Variants in CDS2 observed in about 807,000 individuals in gnomAD.
CDS2 encodes CDP-diacylglycerol synthase 2.
CDS2 carries 47 observed loss-of-function variants against 59.0 expected under a neutral mutation model. That is an observed-to-expected ratio of 0.80 (90% CI 0.63 to 1.02). The LOEUF is 1.02. Among genes scored for constraint, CDS2 ranks in the 50% least tolerant of loss-of-function variants. The pLI, the probability that CDS2 is intolerant of heterozygous loss-of-function variation, is 0.00. For missense variants in CDS2, 356 were observed against 558.9 expected, an observed-to-expected ratio of 0.64 and a Z score of 3.66; for synonymous variants, 207 against 206.4, an observed-to-expected ratio of 1.00 and a Z score of -0.02.
At chr20:5,170,828 GAAGAA>G (rs896677356) in intron 1 of CDS2, among the ~76,000 whole-genome samples, 106 of 152,240 alleles carry the variant, frequency 7.0e-4, no homozygotes, top group African/African-American at 2.4e-3. Context: ...GGCTAATAAA[GAAGAA>G]AAGAGAGAAG....
intron 1 of CDS2, among the ~76,000 whole-genome samples, chr20:5,140,087 C>T (rs1347553247): frequency 6.6e-6 from 1 of 152,210 alleles, no homozygotes; most frequent in African/African-American, 2.4e-5. Flanking sequence ...CAGGCGTGAA[C>T]CGCTGCACCC....
chr20:5,173,295 G>A (rs990376348), intron 1 of CDS2, among the ~76,000 whole-genome samples: 2 of 152,174 alleles, frequency 1.3e-5, no homozygotes, highest in African/African-American at 2.4e-5. Context: ...GATGGTACGC[G>A]GTGCAGATGC....
At chr20:5,189,666 G>A in intron 11 of CDS2, 69 bp from the exon 12 acceptor site, 1 of 1,108,484 alleles carries the variant, frequency 9.0e-7, no homozygotes. Flanking sequence ...ACATTGGGGT[G>A]GGACCATTAG....
chr20:5,176,436 T>C (rs1261049350), intron 3 of CDS2: 1 of 541,940 alleles, frequency 1.8e-6, no homozygotes, highest in Non-Finnish European at 3.3e-6. Flanking sequence ...TATTTTATTG[T>C]GAGTGGAAAA....
At chr20:5,161,191 T>C (rs1002012305) in intron 1 of CDS2, among the ~76,000 whole-genome samples, 1 of 152,236 alleles carries the variant, frequency 6.6e-6, no homozygotes, top group Admixed American at 6.5e-5. Flanking sequence ...GGTTTCAGTT[T>C]TTTCACATCT....
intron 1 of CDS2, among the ~76,000 whole-genome samples, chr20:5,165,220 G>A (rs571737450): frequency 2.4e-4 from 37 of 151,920 alleles, no homozygotes; most frequent in African/African-American, 8.2e-4. Flanking sequence ...GGAAACCCCC[G>A]TATTGCTTAG....
intron 4 of CDS2, among the ~76,000 whole-genome samples, chr20:5,177,644 C>T (rs1310434720): frequency 6.6e-6 from 1 of 152,134 alleles, no homozygotes; most frequent in Non-Finnish European, 1.5e-5. Flanking sequence ...TGCAGGGATA[C>T]AGGGGTTGAA....
chr20:5,195,405 A>T lies in CDS2; in HGVS notation c.*5171A>T, dbSNP rs147940319. 206 of 152,276 alleles carry T rather than the reference A, an allele frequency of 1.4e-3. 1 individual carries two copies. Among genetic ancestry groups the T allele is most frequent in the African/African-American group, 4.6e-3 (192 of 41,502 alleles). The allele number at this position is 152,276 out of a possible 1,614,324, so 9.4% of individuals were successfully genotyped here. A position where few individuals can be genotyped will look rare whatever the true frequency, so the allele number is the denominator to read the frequency against. ...GGCCACCCTAACGAGGCAAGAGGAC[A>T]TGGGGGTGTGCAGAAGTTCTGTTCT... On this transcript the variant is annotated 3_prime_UTR_variant, in exon 13 of 13. Transcript: ENST00000460006.
rs2091109731 is a variant in CDS2, at chr20:5,190,937, G to A, written c.*703G>A. ...CACTGTAATATTTCAAGTGTATGCA[G>A]TAGAATGTACTGTAACTGAGCCCTT... On this transcript the variant is annotated 3_prime_UTR_variant, in exon 13 of 13. Transcript: ENST00000460006. 6.6e-6 allele frequency: 1 copy of A among 152,646 alleles called. No homozygotes were observed. Among genetic ancestry groups the A allele is most frequent in the African/African-American group, 2.4e-5 (1 of 41,444 alleles). 9.5% of individuals were successfully genotyped at this position (152,646 alleles called of 1,614,324 possible). A position where few individuals can be genotyped will look rare whatever the true frequency, so the allele number is the denominator to read the frequency against.
chr20:5,170,226 C>T (rs1044503621), intron 1 of CDS2, among the ~76,000 whole-genome samples: 21 of 145,436 alleles, frequency 1.4e-4, no homozygotes, highest in African/African-American at 4.9e-4. Context: ...GAAAGTTTTT[C>T]TTGACATCTC....
chr20:5,154,075 C>T (rs980647911), intron 1 of CDS2, among the ~76,000 whole-genome samples: 3 of 152,154 alleles, frequency 2.0e-5, no homozygotes, highest in African/African-American at 4.8e-5. Context: ...CTTTCCACCC[C>T]GTTCCCACCT....
At chr20:5,139,799 CT>C (rs141846083) in intron 1 of CDS2, among the ~76,000 whole-genome samples, 13,294 of 134,862 alleles carry the variant, frequency 0.099, 422 homozygotes, top group South Asian at 0.19. Flanking sequence ...TTTCAGCATC[CT>C]TTTTTTTTTT....
chr20:5,130,979 T>C (rs886177178), intron 1 of CDS2, among the ~76,000 whole-genome samples: 1 of 150,548 alleles, frequency 6.6e-6, no homozygotes, highest in Non-Finnish European at 1.5e-5. Flanking sequence ...TAGTCCCAGC[T>C]ACTCGGAAGG....
At chr20:5,158,388 T>G (rs2090850643) in intron 1 of CDS2, among the ~76,000 whole-genome samples, 2 of 152,130 alleles carry the variant, frequency 1.3e-5, no homozygotes, top group Admixed American at 6.5e-5. Flanking sequence ...TCCAGGTTGA[T>G]TTTGAGCACG....
intron 1 of CDS2, among the ~76,000 whole-genome samples, chr20:5,131,694 G>A (rs186107180): frequency 2.6e-5 from 4 of 152,350 alleles, no homozygotes; most frequent in Admixed American, 6.5e-5. Context: ...TGAAGATAGC[G>A]TGTAAGAGCA....
chr20:5,127,206 C>A, intron 1 of CDS2, 57 bp downstream of exon 1: 1 of 1,380,730 alleles, frequency 7.2e-7, no homozygotes, highest in Non-Finnish European at 9.6e-7. Context: ...GGGAGGCCTG[C>A]GGGGGACGCG....
chr20:5,173,252 C>T (rs765086457), intron 1 of CDS2, among the ~76,000 whole-genome samples: 1 of 152,252 alleles, frequency 6.6e-6, no homozygotes, highest in Non-Finnish European at 1.5e-5. Context: ...GCCATGTTCT[C>T]TCTCTTTTGG....
chr20:5,146,059 G>A (rs2090741089), intron 1 of CDS2, among the ~76,000 whole-genome samples: 1 of 152,118 alleles, frequency 6.6e-6, no homozygotes, highest in Admixed American at 6.5e-5. Context: ...CTGGGCTCAA[G>A]TGATCCTCCC....
intron 1 of CDS2, among the ~76,000 whole-genome samples, chr20:5,134,235 A>C (rs955104041): frequency 7.9e-5 from 12 of 152,174 alleles, no homozygotes; most frequent in Non-Finnish European, 1.3e-4. Context: ...GGGTGCTTGG[A>C]AGAAATGCTT....
Sources: gnomAD v4.1 joint callset for allele counts (sites outside exome capture counted in the v4.1 genomes callset) on GRCh38, gnomAD v4.1.1 for gene constraint, MANE v1.5 for transcripts, NCBI Gene and HGNC (gene_info 2026-07-23, HGNC 2026-07-21) for gene names.